The following STXBP6 variants were observed in gnomAD, a reference collection of about 807,000 sequenced individuals.
STXBP6 encodes the protein syntaxin binding protein 6.
In STXBP6, 21 loss-of-function variants were observed where a neutral mutation model predicts 26.9. The ratio of observed to expected loss-of-function variants is 0.78; its 90% CI spans 0.55 to 1.12. The LOEUF (loss-of-function observed/expected upper bound fraction) is 1.12. Among genes scored for constraint, STXBP6 ranks in the 50% most tolerant of loss-of-function variants. STXBP6 has a pLI of 0.00. For synonymous variants in STXBP6, 97 were observed against 92.6 expected (o/e 1.05, Z -0.27); for missense variants, 232 against 257.9 (o/e 0.90, Z 0.69).
intron 1 of STXBP6, among the ~76,000 whole-genome samples, chr14:24,982,592 A>C (rs896963671): frequency 6.6e-6 from 1 of 152,256 alleles, no homozygotes; most frequent in Non-Finnish European, 1.5e-5. Flanking sequence ...AAAGACTATG[A>C]GACCCGATTG....
chr14:24,832,891 C>T (rs2068498494), intron 4 of STXBP6, among the ~76,000 whole-genome samples: 1 of 152,152 alleles, frequency 6.6e-6, no homozygotes, highest in Non-Finnish European at 1.5e-5. Context: ...CTACCATGCG[C>T]CAGAAATGAT....
chr14:25,018,923 C>T (rs1417011997), intron 1 of STXBP6, among the ~76,000 whole-genome samples: 1 of 152,186 alleles, frequency 6.6e-6, no homozygotes, highest in Non-Finnish European at 1.5e-5. Flanking sequence ...CTGACAATTG[C>T]TAGAGGATCT....
At chr14:25,023,255 T>C (rs1347186244) in intron 1 of STXBP6, among the ~76,000 whole-genome samples, 2 of 151,996 alleles carry the variant, frequency 1.3e-5, no homozygotes, top group Admixed American at 6.6e-5. Flanking sequence ...AAATGTATCA[T>C]GATTCCACAG....
At chr14:24,943,373 C>A in intron 2 of STXBP6, among the ~76,000 whole-genome samples, 1 of 152,142 alleles carries the variant, frequency 6.6e-6, no homozygotes, top group Non-Finnish European at 1.5e-5. Context: ...AACAGAGGTA[C>A]CCACCTGGAC....
chr14:24,891,894 CT>C (rs376827443), intron 2 of STXBP6, among the ~76,000 whole-genome samples: 3 of 152,322 alleles, frequency 2.0e-5, no homozygotes, highest in African/African-American at 7.2e-5. Context: ...CCTGGAATGA[CT>C]TTCCTGCTCT....
chr14:24,917,995 A>G (rs1196434966), intron 2 of STXBP6, among the ~76,000 whole-genome samples: 1 of 152,052 alleles, frequency 6.6e-6, no homozygotes, highest in Non-Finnish European at 1.5e-5. Context: ...TGCAACAGGT[A>G]CAATGTTGAA....
At chr14:24,821,573 C>T (rs1174007621) in intron 4 of STXBP6, among the ~76,000 whole-genome samples, 1 of 152,182 alleles carries the variant, frequency 6.6e-6, no homozygotes, top group Non-Finnish European at 1.5e-5. Context: ...AGGATGAATT[C>T]GAACAAATTT....
chr14:24,915,069 G>A (rs1279320514), intron 2 of STXBP6, among the ~76,000 whole-genome samples: 3 of 152,070 alleles, frequency 2.0e-5, no homozygotes, highest in Non-Finnish European at 4.4e-5. Flanking sequence ...AGGACAATTT[G>A]TCATGTTTCT....
intron 2 of STXBP6, among the ~76,000 whole-genome samples, chr14:24,871,295 C>G (rs1298177691): frequency 2.0e-5 from 3 of 152,106 alleles, no homozygotes; most frequent in African/African-American, 7.2e-5. Context: ...TCCTTACACA[C>G]AGTAAACATC....
intron 5 of STXBP6, chr14:24,816,892 A>G (rs920577944): frequency 5.9e-5 from 9 of 152,162 alleles, no homozygotes; most frequent in African/African-American, 2.2e-4. Flanking sequence ...AGTGCTCATT[A>G]TGTGACTGAA....
intron 2 of STXBP6, among the ~76,000 whole-genome samples, chr14:24,964,679 G>GTGTGTGTGTGTGTGTA (rs970807652): frequency 6.6e-6 from 1 of 151,682 alleles, no homozygotes; most frequent in Non-Finnish European, 1.5e-5. Flanking sequence ...GTGTGTGTGT[G>GTGTGTGTGTGTGTGTA]TGTATGTAAA....
intron 2 of STXBP6, among the ~76,000 whole-genome samples, chr14:24,865,586 G>T (rs2069689025): frequency 6.6e-6 from 1 of 152,124 alleles, no homozygotes; most frequent in Non-Finnish European, 1.5e-5. Flanking sequence ...CACTCAAAAT[G>T]AATAGAGGAT....
intron 2 of STXBP6, among the ~76,000 whole-genome samples, chr14:24,889,958 C>A (rs555412643): frequency 6.6e-6 from 1 of 152,348 alleles, no homozygotes; most frequent in Non-Finnish European, 1.5e-5. Flanking sequence ...AGCTTCACCT[C>A]TTCTAACATC....
chr14:24,883,992 T>C (rs1322533156), intron 2 of STXBP6, among the ~76,000 whole-genome samples: 2 of 152,198 alleles, frequency 1.3e-5, no homozygotes, highest in African/African-American at 4.8e-5. Flanking sequence ...TCCTCTTTAA[T>C]ATTAAAACCC....
chr14:24,938,757 G>T (rs555932546), intron 2 of STXBP6, among the ~76,000 whole-genome samples: 1 of 152,252 alleles, frequency 6.6e-6, no homozygotes, highest in African/African-American at 2.4e-5. Flanking sequence ...CCTCCATAAC[G>T]ATCTGCTCCC....
intron 1 of STXBP6, among the ~76,000 whole-genome samples, chr14:25,047,482 ACTAT>A (rs1266639324): frequency 6.6e-6 from 1 of 152,244 alleles, no homozygotes; most frequent in Non-Finnish European, 1.5e-5. Flanking sequence ...CATCTCTCTT[ACTAT>A]CTCCCACTCC....
At chr14:24,857,285 G>T (rs1354932010) in intron 2 of STXBP6, 128 bp from the exon 3 acceptor site, 1 of 1,242,198 alleles carries the variant, frequency 8.1e-7, no homozygotes, top group African/African-American at 1.5e-5. Flanking sequence ...GAGGGGGAAA[G>T]GAGGGAATAT....
At chr14:24,996,503 T>C (rs2074605586) in intron 1 of STXBP6, among the ~76,000 whole-genome samples, 1 of 151,986 alleles carries the variant, frequency 6.6e-6, no homozygotes, top group Non-Finnish European at 1.5e-5. Flanking sequence ...ATTTCAACTG[T>C]CTTATTCTTG....
intron 2 of STXBP6, among the ~76,000 whole-genome samples, chr14:24,940,009 T>A (rs2072746786): frequency 6.6e-6 from 1 of 152,088 alleles, no homozygotes; most frequent in Non-Finnish European, 1.5e-5. Flanking sequence ...CTTGAAGAGG[T>A]GTGTCATCAC....
Sources: allele counts gnomAD v4.1 joint callset (sites outside exome capture counted in the v4.1 genomes callset), GRCh38; gene constraint gnomAD v4.1.1; transcripts MANE v1.5; gene names NCBI Gene and HGNC (gene_info 2026-07-23, HGNC 2026-07-21).